Variants in CIMIP6 observed in about 807,000 individuals in gnomAD.
CIMIP6 encodes uncharacterized protein C2orf73.
chr2:54,368,162 T>G, the CIMIP6 span, among the ~76,000 whole-genome samples: 1 of 152,202 alleles, frequency 6.6e-6, no homozygotes, highest in African/African-American at 2.4e-5. Flanking sequence ...AAAAACAATT[T>G]CATTTGTTTG....
chr2:54,381,109 G>T, the CIMIP6 span, among the ~76,000 whole-genome samples: 1 of 152,074 alleles, frequency 6.6e-6, no homozygotes. Context: ...CTCTGCCCAG[G>T]AATTTGAGAT....
At chr2:54,373,742 G>C in the CIMIP6 span, among the ~76,000 whole-genome samples, 1 of 152,180 alleles carries the variant, frequency 6.6e-6, no homozygotes, top group East Asian at 1.9e-4. Context: ...TCCTTGGGCT[G>C]AAGGAGGCTT....
the CIMIP6 span, among the ~76,000 whole-genome samples, chr2:54,363,495 G>C: frequency 6.6e-6 from 1 of 152,092 alleles, no homozygotes; most frequent in Non-Finnish European, 1.5e-5. Flanking sequence ...ATGGCCCAAG[G>C]CTTCTTCTAC....
the CIMIP6 span, among the ~76,000 whole-genome samples, chr2:54,380,472 C>T: frequency 6.6e-6 from 1 of 152,252 alleles, no homozygotes; most frequent in African/African-American, 2.4e-5. Flanking sequence ...TTCTCATTTG[C>T]ATGTATTCAA....
At chr2:54,380,058 G>A in the CIMIP6 span, among the ~76,000 whole-genome samples, 54 of 151,834 alleles carry the variant, frequency 3.6e-4, no homozygotes, top group African/African-American at 1.3e-3. Flanking sequence ...TGGGAGGATC[G>A]CTTGAGCCTG....
At chr2:54,343,799 A>G in the CIMIP6 span, 1 of 1,613,018 alleles carries the variant, frequency 6.2e-7, no homozygotes, top group Non-Finnish European at 8.5e-7. Context: ...CAGAGGAGTG[A>G]CTTCCAAAAA....
chr2:54,354,919 C>CT, the CIMIP6 span, among the ~76,000 whole-genome samples: 1 of 151,824 alleles, frequency 6.6e-6, no homozygotes, highest in African/African-American at 2.4e-5. Context: ...TAATCCTTAT[C>CT]TTTTTCAGGA....
At chr2:54,344,716 C>CCGT in the CIMIP6 span, among the ~76,000 whole-genome samples, 2 of 151,438 alleles carry the variant, frequency 1.3e-5, no homozygotes, top group East Asian at 1.9e-4. Flanking sequence ...AAGCTGATCC[C>CCGT]CCGTCCCCTT....
At chr2:54,368,567 A>T in the CIMIP6 span, among the ~76,000 whole-genome samples, 13 of 152,330 alleles carry the variant, frequency 8.5e-5, no homozygotes, top group African/African-American at 3.1e-4. Context: ...CCTGCGTGAG[A>T]AGAGTGTCTT....
the CIMIP6 span, among the ~76,000 whole-genome samples, chr2:54,359,716 T>C: frequency 2.0e-5 from 3 of 152,114 alleles, no homozygotes; most frequent in African/African-American, 4.8e-5. Flanking sequence ...TAAAGCCAAA[T>C]AGAAATGTAA....
chr2:54,334,171 T>C, the CIMIP6 span, among the ~76,000 whole-genome samples: 15 of 152,202 alleles, frequency 9.9e-5, no homozygotes, highest in Non-Finnish European at 1.8e-4. Flanking sequence ...TTCTCCTTAT[T>C]TGAAAGGAGA....
the CIMIP6 span, among the ~76,000 whole-genome samples, chr2:54,341,196 T>C: frequency 1.9e-3 from 288 of 152,354 alleles, 1 homozygote; most frequent in African/African-American, 6.7e-3. Context: ...CAAACTCATG[T>C]TGAAATGTAA....
At chr2:54,342,414 G>C in the CIMIP6 span, among the ~76,000 whole-genome samples, 2 of 152,034 alleles carry the variant, frequency 1.3e-5, no homozygotes, top group Non-Finnish European at 2.9e-5. Context: ...TATTTTTGCT[G>C]CCTTTGACAA....
At chr2:54,375,042 G>C in the CIMIP6 span, among the ~76,000 whole-genome samples, 2 of 152,034 alleles carry the variant, frequency 1.3e-5, no homozygotes, top group African/African-American at 4.8e-5. Flanking sequence ...AACTTTTAAG[G>C]CTTCTTTTTC....
At chr2:54,361,612 G>A in the CIMIP6 span, 1 of 151,928 alleles carries the variant, frequency 6.6e-6, no homozygotes. Flanking sequence ...TTTTGTGTTG[G>A]GGACTTCTAG....
the CIMIP6 span, among the ~76,000 whole-genome samples, chr2:54,376,356 A>G: frequency 6.6e-6 from 1 of 152,184 alleles, no homozygotes; most frequent in Non-Finnish European, 1.5e-5. Flanking sequence ...GAAAAATAAA[A>G]TCCAAAGACA....
chr2:54,356,836 C>T, the CIMIP6 span, among the ~76,000 whole-genome samples: 19 of 152,132 alleles, frequency 1.2e-4, no homozygotes, highest in African/African-American at 4.6e-4. Flanking sequence ...TTACCAAATG[C>T]ATGCTTTGGA....
At chr2:54,358,366 A>G in the CIMIP6 span, among the ~76,000 whole-genome samples, 5 of 152,186 alleles carry the variant, frequency 3.3e-5, no homozygotes. Context: ...TTTCCCTAAA[A>G]TGTATTGGTA....
At chr2:54,362,550 G>C in the CIMIP6 span, among the ~76,000 whole-genome samples, 1 of 152,080 alleles carries the variant, frequency 6.6e-6, no homozygotes, top group African/African-American at 2.4e-5. Flanking sequence ...GTCTGTGTGT[G>C]TATGTGTGGT....
Sources: gnomAD v4.1 joint callset for allele counts (sites outside exome capture counted in the v4.1 genomes callset) on GRCh38, gnomAD v4.1.1 for gene constraint, MANE v1.5 for transcripts, NCBI Gene and HGNC (gene_info 2026-07-23, HGNC 2026-07-21) for gene names.